Variants in XCR1 observed in about 807,000 individuals in gnomAD.
XCR1 encodes the protein X-C motif chemokine receptor 1.
For synonymous variants in XCR1, 187 were observed against 188.5 expected (o/e 0.99, Z 0.06); for missense variants, 356 against 424.2 (o/e 0.84, Z 1.41).
At chr3:46,076,189 T>G (rs1052076774) in intron 2 of XCR1, among the ~76,000 whole-genome samples, 2 of 152,198 alleles carry the variant, frequency 1.3e-5, no homozygotes, top group Non-Finnish European at 2.9e-5. Context: ...GGATTTTGTA[T>G]GCAAAACAAT....
chr3:46,057,888 CTATCTAT>C (rs1697880953), intron 4 of XCR1, among the ~76,000 whole-genome samples: 1 of 116,060 alleles, frequency 8.6e-6, no homozygotes, highest in East Asian at 2.2e-4. Flanking sequence ...GTCTGTCTAT[CTATCTAT>C]CTATCTATCT....
intron 1 of XCR1, chr3:46,024,270 C>T (rs1708241657): frequency 6.6e-6 from 2 of 301,470 alleles, no homozygotes; most frequent in South Asian, 7.5e-5. Flanking sequence ...ATCCTGGTCC[C>T]GGAAATGTTT....
At chr3:46,029,999 T>C (rs1211740919), upstream of XCR1, among the ~76,000 whole-genome samples, 1 of 152,242 alleles carries the variant, frequency 6.6e-6, no homozygotes, top group Admixed American at 6.5e-5. Context: ...GATTTTTATA[T>C]ATTGATCTTG....
chr3:46,037,430 A>G (rs1213706904), intron 5 of XCR1, among the ~76,000 whole-genome samples: 2 of 152,156 alleles, frequency 1.3e-5, no homozygotes, highest in African/African-American at 4.8e-5. Context: ...GTTATAAAGA[A>G]AAGAGAAAAA....
At chr3:46,083,306 T>C (rs1393790086) in intron 1 of XCR1, among the ~76,000 whole-genome samples, 1 of 152,220 alleles carries the variant, frequency 6.6e-6, no homozygotes, top group East Asian at 1.9e-4. Context: ...TATTATAGTC[T>C]GTGGAGAAAA....
intron 4 of XCR1, among the ~76,000 whole-genome samples, chr3:46,054,763 T>C (rs926198535): frequency 6.6e-6 from 1 of 151,920 alleles, no homozygotes; most frequent in African/African-American, 2.4e-5. Context: ...AGGAAAGAAA[T>C]GTAACAATGT....
chr3:46,085,379 C>CA (rs751479046), intron 1 of XCR1, among the ~76,000 whole-genome samples: 4 of 152,202 alleles, frequency 2.6e-5, no homozygotes, highest in Non-Finnish European at 5.9e-5. Context: ...AAGCTGGCTT[C>CA]AGTCTTTATT....
intron 1 of XCR1, chr3:46,023,919 T>C: frequency 6.7e-7 from 1 of 1,498,456 alleles, no homozygotes; most frequent in Non-Finnish European, 9.2e-7. Flanking sequence ...TCTAAAAAGG[T>C]CCAGTAGAAA....
chr3:46,033,972 T>G (rs1452918126), intron 5 of XCR1, among the ~76,000 whole-genome samples: 5 of 51,030 alleles, frequency 9.8e-5, no homozygotes, highest in Admixed American at 3.0e-4. Context: ...TTCATTGCTG[T>G]TTTTTTTTTC....
chr3:46,035,036 C>G (rs979445648), intron 5 of XCR1, among the ~76,000 whole-genome samples: 12 of 151,550 alleles, frequency 7.9e-5, no homozygotes, highest in African/African-American at 2.9e-4. Context: ...CTCACTGCAA[C>G]CTCTTCCTCC....
At chr3:46,070,022 A>G (rs1575439180) in intron 3 of XCR1, among the ~76,000 whole-genome samples, 1 of 151,886 alleles carries the variant, frequency 6.6e-6, no homozygotes, top group Admixed American at 6.6e-5. Flanking sequence ...ATCTCAAAAA[A>G]TTTTTAAATT....
chr3:46,031,369 T>G (rs1176021403), upstream of XCR1, among the ~76,000 whole-genome samples: 1 of 152,216 alleles, frequency 6.6e-6, no homozygotes, highest in Non-Finnish European at 1.5e-5. Context: ...GCTCTGATCT[T>G]GGAGTAAGGT....
chr3:46,023,540 A>G (rs1708213467), intron 1 of XCR1: 1 of 1,541,794 alleles, frequency 6.5e-7, no homozygotes, highest in Admixed American at 1.7e-5. Context: ...CAGCGTGAGG[A>G]AAGATTGAAA....
intron 5 of XCR1, among the ~76,000 whole-genome samples, chr3:46,046,721 C>T (rs1471606825): frequency 2.0e-5 from 3 of 152,172 alleles, no homozygotes; most frequent in Non-Finnish European, 4.4e-5. Context: ...CCAAGAACTA[C>T]ATATAAGATG....
rs540887139 is a variant in XCR1 at position 46,065,039 on chromosome 3, C to T, written c.-183+1860G>A. Among the ~76,000 whole-genome samples, 8 of 151,780 alleles carry T rather than the reference C, an allele frequency of 5.3e-5. No homozygotes were observed. In the East Asian group the frequency reaches 7.7e-4, roughly 15 times the overall value. ...CAGCAAGGTGCAGGTTGTGGTGAGC[C>T]AAGATCCCGCCATTGCACTCCAGCC... On this transcript the variant is annotated intron_variant, in intron 4 of 5. Coordinates refer to the XCR1 transcript ENST00000683768.
intron 5 of XCR1, among the ~76,000 whole-genome samples, chr3:46,051,605 T>C (rs1697745284): frequency 6.6e-6 from 1 of 152,232 alleles, no homozygotes; most frequent in African/African-American, 2.4e-5. Context: ...TCCCGCGTAG[T>C]TGTGCTCCCA....
Position 46,023,385 on chromosome 3 carries a change from G to A in XCR1, c.-31-1407C>T, listed in dbSNP as rs1708207449. 4 of 1,456,944 alleles carry A rather than the reference G, an allele frequency of 2.7e-6. No individual in the cohort carries two copies. In the South Asian group the frequency reaches 3.5e-5, roughly 13 times the overall value. 90.3% of individuals were successfully genotyped at this position (1,456,944 alleles called of 1,614,324 possible). A position where few individuals can be genotyped will look rare whatever the true frequency, so the allele number is the denominator to read the frequency against. ...TAGCTGCAGGCAAATACGAAGAGGC[G>A]ATTTCTTGTCACAAAAAGGCTGCGG... On this transcript the variant is annotated intron_variant, in intron 1 of 1. Transcript: ENST00000309285.
At chr3:46,027,079 C>T (rs569733454) in intron 1 of XCR1, among the ~76,000 whole-genome samples, 1 of 151,964 alleles carries the variant, frequency 6.6e-6, no homozygotes, top group Non-Finnish European at 1.5e-5. Context: ...GAGATAGGGT[C>T]TCATCATGTT....
chr3:46,020,889 T>C lies in XCR1; in HGVS notation c.*57A>G. ...TGCTCCTTCCAGGCCCGCTTCTCCA[T>C]GACCCCCATTCCAGTCCCTGTCCAC... On this transcript the variant is annotated 3_prime_UTR_variant, in exon 2 of 2. Coordinates refer to ENST00000309285, the MANE Select transcript of XCR1 (RefSeq NM_001024644.2). The C allele has an allele frequency of 6.4e-7, 1 of 1,563,996 alleles. No individual in the cohort carries two copies.
Sources: allele counts gnomAD v4.1 joint callset (sites outside exome capture counted in the v4.1 genomes callset), GRCh38; gene constraint gnomAD v4.1.1; transcripts MANE v1.5; gene names NCBI Gene and HGNC (gene_info 2026-07-23, HGNC 2026-07-21).